The following TSPAN7 variants were observed in gnomAD, a reference collection of about 807,000 sequenced individuals.
TSPAN7 encodes tetraspanin 7, also known as tetraspanin-7.
Under a neutral mutation model 17.6 loss-of-function variants are expected in TSPAN7, and 1 was observed. That is an observed-to-expected ratio of 0.06 (90% CI 0.02 to 0.27). The LOEUF (loss-of-function observed/expected upper bound fraction) is 0.27. Ranked by LOEUF, TSPAN7 falls within the 10% of genes least tolerant of loss-of-function variation. TSPAN7 has a pLI of 1.00. For synonymous variants in TSPAN7, 78 were observed against 79.0 expected (o/e 0.99, Z 0.07); for missense variants, 112 against 201.7 (o/e 0.56, Z 2.69).
chrX:38,565,061 T>C (rs1199881784), intron 1 of TSPAN7, among the ~76,000 whole-genome samples: 1 of 112,054 alleles, frequency 8.9e-6, no homozygotes, highest in African/African-American at 3.2e-5. Context: ...AATATTTACC[T>C]GTTAAATGTT....
chrX:38,565,399 T>G (rs2069137119), intron 1 of TSPAN7, among the ~76,000 whole-genome samples: 1 of 111,260 alleles, frequency 9.0e-6, no homozygotes, highest in Non-Finnish European at 1.9e-5. Context: ...CCGGCTAATT[T>G]TTGTATTTTT....
intron 1 of TSPAN7, among the ~76,000 whole-genome samples, chrX:38,578,722 A>G (rs1018416640): frequency 2.7e-5 from 3 of 110,478 alleles, no homozygotes; most frequent in African/African-American, 1.0e-4. Flanking sequence ...ACTCTGAGAT[A>G]TAGCATGCTA....
chrX:38,577,763 T>C (rs1569302065), intron 1 of TSPAN7, among the ~76,000 whole-genome samples: 1 of 107,141 alleles, frequency 9.3e-6, no homozygotes, highest in Admixed American at 1.0e-4. Context: ...TGTATACATA[T>C]GTAACAAACC....
chrX:38,667,528 G>A (rs1446006598), intron 2 of TSPAN7, among the ~76,000 whole-genome samples: 1 of 112,104 alleles, frequency 8.9e-6, no homozygotes, highest in East Asian at 2.8e-4. Flanking sequence ...ATATGTGGGT[G>A]TGAGAGTGGT....
chrX:38,631,998 T>C (rs940673321), intron 1 of TSPAN7, among the ~76,000 whole-genome samples: 1 of 112,255 alleles, frequency 8.9e-6, no homozygotes, highest in African/African-American at 3.2e-5. Context: ...CTGGCACATC[T>C]TTGATATATC....
chrX:38,651,273 G>A (rs1180902802), intron 1 of TSPAN7, among the ~76,000 whole-genome samples: 1 of 110,337 alleles, frequency 9.1e-6, no homozygotes, highest in African/African-American at 3.3e-5. Flanking sequence ...AGACCGGCCT[G>A]GCCAACATGG....
chrX:38,639,496 A>C (rs2069601339), intron 1 of TSPAN7, among the ~76,000 whole-genome samples: 1 of 99,654 alleles, frequency 1.0e-5, no homozygotes, highest in African/African-American at 3.7e-5. Flanking sequence ...ATCAGAATCC[A>C]TTCTATCTCG....
At chrX:38,563,156 C>T (rs1306965343) in intron 1 of TSPAN7, 2 of 951,694 alleles carry the variant, frequency 2.1e-6, no homozygotes, top group East Asian at 1.5e-4. Context: ...ACTCCCCAGA[C>T]CACACATACC....
In TSPAN7 at chrX:38,687,579, G is replaced by T. The variant is rs755642588; in HGVS notation, c.682-20G>T. On this transcript the variant is annotated intron_variant, in intron 6 of 7. Transcript: ENST00000378482. The stretch of plus-strand genomic sequence containing the variant: ...TCGGTGACTTGAGATTCTCATTTTC[G>T]TTTTTCTCCCTGGCAACAGTTAATT... 42 of 1,206,410 alleles carry T rather than the reference G, an allele frequency of 3.5e-5. No homozygotes were observed. The highest frequency in any genetic ancestry group is 3.3e-4 in the Admixed American group (15 of 45,595).
intron 1 of TSPAN7, among the ~76,000 whole-genome samples, chrX:38,661,430 G>A (rs2069744168): frequency 8.9e-6 from 1 of 112,165 alleles, no homozygotes; most frequent in African/African-American, 3.2e-5. Flanking sequence ...AGTAGCTAGT[G>A]GTACTTTGCT....
intron 1 of TSPAN7, among the ~76,000 whole-genome samples, chrX:38,575,892 ACTT>A (rs1361892128): frequency 1.8e-5 from 2 of 112,367 alleles, no homozygotes; most frequent in Admixed American, 9.4e-5. Flanking sequence ...TCTGGTACAA[ACTT>A]CTTCTCAATG....
chrX:38,660,792 T>C (rs1436909699), intron 1 of TSPAN7, among the ~76,000 whole-genome samples: 1 of 112,347 alleles, frequency 8.9e-6, no homozygotes, highest in Non-Finnish European at 1.9e-5. Flanking sequence ...CAGTCTCTTT[T>C]TGATAGCTTG....
chrX:38,597,633 G>A (rs1209239990), intron 1 of TSPAN7, among the ~76,000 whole-genome samples: 1 of 111,541 alleles, frequency 9.0e-6, no homozygotes, highest in Non-Finnish European at 1.9e-5. Flanking sequence ...GTGACCAGAG[G>A]CTTGTAGGAA....
chrX:38,674,726 T>C (rs2069842223), intron 4 of TSPAN7, among the ~76,000 whole-genome samples: 1 of 110,119 alleles, frequency 9.1e-6, no homozygotes, highest in Non-Finnish European at 1.9e-5. Context: ...GGCAGTGGAG[T>C]GGGCATAGAG....
At chrX:38,642,478 A>C (rs141197475) in intron 1 of TSPAN7, among the ~76,000 whole-genome samples, 13 of 112,135 alleles carry the variant, frequency 1.2e-4, no homozygotes, top group African/African-American at 3.9e-4. Context: ...AAACACACGA[A>C]ACAAATAAGG....
At chrX:38,605,436 A>C (rs1480893736) in intron 1 of TSPAN7, among the ~76,000 whole-genome samples, 1 of 111,245 alleles carries the variant, frequency 9.0e-6, no homozygotes, top group Non-Finnish European at 1.9e-5. Context: ...GAAGAACATT[A>C]TATGCTCATG....
chrX:38,601,347 G>A (rs1179345806), intron 1 of TSPAN7, among the ~76,000 whole-genome samples: 1 of 111,666 alleles, frequency 9.0e-6, no homozygotes, highest in Non-Finnish European at 1.9e-5. Flanking sequence ...GGTAGAGACT[G>A]TGGTCCCTGC....
intron 1 of TSPAN7, among the ~76,000 whole-genome samples, chrX:38,568,355 AT>A (rs2069154106): frequency 1.9e-5 from 2 of 105,005 alleles, no homozygotes; most frequent in Admixed American, 2.1e-4. Flanking sequence ...AAAATGATGT[AT>A]TGGGGGTTAA....
intron 1 of TSPAN7, among the ~76,000 whole-genome samples, chrX:38,647,565 A>G (rs1281132833): frequency 8.9e-6 from 1 of 112,649 alleles, no homozygotes; most frequent in Non-Finnish European, 1.9e-5. Flanking sequence ...AATGTAAAAC[A>G]CAATGATTTG....
Sources: gnomAD v4.1 joint callset for allele counts (sites outside exome capture counted in the v4.1 genomes callset) on GRCh38, gnomAD v4.1.1 for gene constraint, MANE v1.5 for transcripts, NCBI Gene and HGNC (gene_info 2026-07-23, HGNC 2026-07-21) for gene names.